Variants in ZFR observed in about 807,000 individuals in gnomAD.
The protein encoded by ZFR is zinc finger RNA binding protein, also known as zinc finger RNA-binding protein.
ZFR carries 19 observed loss-of-function variants against 130.7 expected under a neutral mutation model. That is an observed-to-expected ratio of 0.15 (90% CI 0.10 to 0.21). The LOEUF (loss-of-function observed/expected upper bound fraction) is 0.21. Among genes scored for constraint, ZFR ranks in the 10% least tolerant of loss-of-function variants. ZFR has a pLI of 1.00. For synonymous variants in ZFR, 466 were observed against 456.9 expected (o/e 1.02, Z -0.25); for missense variants, 872 against 1,321.5 (o/e 0.66, Z 5.27).
intron 17 of ZFR, among the ~76,000 whole-genome samples, chr5:32,371,936 T>C (rs1332179017): frequency 1.3e-5 from 2 of 150,586 alleles, no homozygotes; most frequent in African/African-American, 2.4e-5. Context: ...CAGGGGAATA[T>C]AAATTGTTAG....
intron 2 of ZFR, 98 bp from the exon 3 acceptor site, chr5:32,420,201 T>G: frequency 7.6e-7 from 1 of 1,320,418 alleles, no homozygotes; most frequent in Non-Finnish European, 9.8e-7. Flanking sequence ...AAAAAGCACA[T>G]TTTCAAGTAA....
chr5:32,438,253 A>ATTTTTTTTTTTTTTTTTTTTTTTT lies in ZFR; in HGVS notation c.137+5952_137+5975dup, dbSNP rs869249272. The stretch of plus-strand genomic sequence containing the variant: ...AGAATGCTACTGATTTTATCTGAAA[A>ATTTTTTTTTTTTTTTTTTTTTTTT]TTTTTTTTTTTTTTTTTTTTTTTTT... On this transcript the variant is annotated intron_variant, in intron 2 of 19. Coordinates refer to ENST00000265069, the MANE Select transcript of ZFR (RefSeq NM_016107.5). Among the ~76,000 whole-genome samples, 17 of 61,042 alleles carry ATTTTTTTTTTTTTTTTTTTTTTTT rather than the reference A, an allele frequency of 2.8e-4. 4 individuals are homozygous for ATTTTTTTTTTTTTTTTTTTTTTTT. The highest frequency in any genetic ancestry group is 5.7e-4 in the African/African-American group (8 of 13,930). 40.0% of individuals were successfully genotyped at this position (61,042 alleles called of 152,430 possible). A position where few individuals can be genotyped will look rare whatever the true frequency, so the allele number is the denominator to read the frequency against.
chr5:32,368,741 G>A (rs530389899), intron 17 of ZFR, among the ~76,000 whole-genome samples: 1 of 152,184 alleles, frequency 6.6e-6, no homozygotes, highest in Non-Finnish European at 1.5e-5. Context: ...ACCACTTACT[G>A]AGTGCTTATC....
chr5:32,358,669 T>C (rs1049865314), intron 19 of ZFR, among the ~76,000 whole-genome samples: 11 of 150,940 alleles, frequency 7.3e-5, no homozygotes, highest in Non-Finnish European at 7.4e-5. Context: ...TAAAGTTCTA[T>C]CCTCTTCTCC....
chr5:32,418,440 G>A (rs1006421823), intron 3 of ZFR, among the ~76,000 whole-genome samples: 2 of 152,114 alleles, frequency 1.3e-5, no homozygotes, highest in African/African-American at 4.8e-5. Flanking sequence ...GAACACTTGT[G>A]TTACTAAACT....
rs551742937 is a variant in ZFR, at chr5:32,432,294, T to C, written c.137+11935A>G. On this transcript the variant is annotated intron_variant, in intron 2 of 19. Transcript: ENST00000265069. The stretch of plus-strand genomic sequence containing the variant: ...ATTTAGAGAACACAGTCCATATACC[T>C]TTCAGGGCAATACGGAATAAAAAAT... Among the ~76,000 whole-genome samples, 4 of 152,256 alleles carry C rather than the reference T, an allele frequency of 2.6e-5. No individual in the cohort carries two copies. The East Asian group carries it at 5.8e-4, about 22-fold the overall frequency.
chr5:32,367,562 C>T (rs1349352344), intron 17 of ZFR, among the ~76,000 whole-genome samples: 2 of 152,150 alleles, frequency 1.3e-5, no homozygotes, highest in Non-Finnish European at 2.9e-5. Flanking sequence ...CACTACAGAA[C>T]CCACTACCAT....
intron 2 of ZFR, among the ~76,000 whole-genome samples, chr5:32,430,344 A>G (rs551365058): frequency 2.2e-4 from 33 of 152,306 alleles, no homozygotes; most frequent in African/African-American, 7.7e-4. Context: ...AGGTTATTGC[A>G]TAACTAATTA....
At chr5:32,432,449 T>C (rs1204609801) in intron 2 of ZFR, among the ~76,000 whole-genome samples, 2 of 152,152 alleles carry the variant, frequency 1.3e-5, no homozygotes, top group South Asian at 2.1e-4. Context: ...CATTTGTATG[T>C]CATTTTTGGT....
At chr5:32,399,002 G>A (rs1401529425) in intron 9 of ZFR, among the ~76,000 whole-genome samples, 4 of 151,962 alleles carry the variant, frequency 2.6e-5, no homozygotes, top group African/African-American at 7.2e-5. Context: ...TAGGCTAGGC[G>A]CAGTGTCTCA....
Position 32,431,768 on chromosome 5 carries a change from GAA to G in ZFR, c.138-11667_138-11666del, listed in dbSNP as rs35866437. 4.2e-3 allele frequency among the ~76,000 whole-genome samples: 516 copies of G among 123,754 alleles called. 3 individuals are homozygous for G. Among genetic ancestry groups the G allele is most frequent in the South Asian group, 0.01 (38 of 3,654 alleles). The allele number at this position is 123,754 out of a possible 152,430, so 81.2% of individuals were successfully genotyped here. A position where few individuals can be genotyped will look rare whatever the true frequency, so the allele number is the denominator to read the frequency against. On this transcript the variant is annotated intron_variant, in intron 2 of 19. Coordinates refer to ENST00000265069, the MANE Select transcript of ZFR (RefSeq NM_016107.5). ...ATGTCTTTAAATTAGATATAACATT[GAA>G]AAAAAAAAAAAAAAGACAAACTTCC...
intron 19 of ZFR, among the ~76,000 whole-genome samples, chr5:32,363,093 G>A (rs1174707603): frequency 6.6e-6 from 1 of 152,066 alleles, no homozygotes; most frequent in African/African-American, 2.4e-5. Context: ...TACCATTTCT[G>A]GCCTAACAAT....
chr5:32,403,839 A>T, intron 7 of ZFR, 67 bp downstream of exon 7: 1 of 1,444,348 alleles, frequency 6.9e-7, no homozygotes, highest in Non-Finnish European at 9.2e-7. Context: ...CCTTTACCTA[A>T]CCCCCTTTGA....
At chr5:32,376,151 T>G (rs969150825) in intron 17 of ZFR, among the ~76,000 whole-genome samples, 1 of 151,994 alleles carries the variant, frequency 6.6e-6, no homozygotes, top group Non-Finnish European at 1.5e-5. Context: ...TTTAAATTAG[T>G]TTTTAAGTAA....
chr5:32,439,826 A>G (rs1409690744), intron 2 of ZFR, among the ~76,000 whole-genome samples: 3 of 150,938 alleles, frequency 2.0e-5, no homozygotes, highest in Non-Finnish European at 4.4e-5. Flanking sequence ...AAAAAAAAAA[A>G]AAGCCTCAAA....
At chr5:32,427,693 A>G (rs1478831091) in intron 2 of ZFR, among the ~76,000 whole-genome samples, 4 of 152,214 alleles carry the variant, frequency 2.6e-5, no homozygotes, top group Admixed American at 2.0e-4. Flanking sequence ...CAACCTTAAA[A>G]TATTAGAACA....
chr5:32,423,107 CCA>C (rs1415346008), intron 2 of ZFR, among the ~76,000 whole-genome samples: 3 of 151,968 alleles, frequency 2.0e-5, no homozygotes, highest in African/African-American at 7.3e-5. Flanking sequence ...CTTTGGGAGG[CCA>C]AGAAGGCTGG....
chr5:32,410,150 CA>C (rs1194298679), intron 5 of ZFR, among the ~76,000 whole-genome samples: 5 of 151,496 alleles, frequency 3.3e-5, no homozygotes, highest in Admixed American at 6.6e-5. Context: ...ACTAAAAATA[CA>C]AAAAATTAGC....
At chr5:32,426,231 ATCTACTC>A (rs1045222614) in intron 2 of ZFR, among the ~76,000 whole-genome samples, 1 of 152,202 alleles carries the variant, frequency 6.6e-6, no homozygotes, top group Non-Finnish European at 1.5e-5. Flanking sequence ...TAACCATCAC[ATCTACTC>A]TCTACAACAT....
Sources: allele counts gnomAD v4.1 joint callset (sites outside exome capture counted in the v4.1 genomes callset), GRCh38; gene constraint gnomAD v4.1.1; transcripts MANE v1.5; gene names NCBI Gene and HGNC (gene_info 2026-07-23, HGNC 2026-07-21).